CIMAP2: variants seen among roughly 807,000 people sequenced by gnomAD.
CIMAP2 encodes the protein ciliary microtubule-associated protein 2.
At chr1:54,831,385 G>A in the CIMAP2 span, among the ~76,000 whole-genome samples, 1 of 150,924 alleles carries the variant, frequency 6.6e-6, no homozygotes, top group African/African-American at 2.4e-5. Flanking sequence ...GGACACAATG[G>A]CTCATTCCTG....
chr1:54,820,318 C>G, the CIMAP2 span, among the ~76,000 whole-genome samples: 1 of 151,886 alleles, frequency 6.6e-6, no homozygotes, highest in Non-Finnish European at 1.5e-5. Flanking sequence ...CAGGTGTGCA[C>G]CAGCACACCT....
chr1:54,824,907 G>C, the CIMAP2 span, among the ~76,000 whole-genome samples: 1 of 150,626 alleles, frequency 6.6e-6, no homozygotes, highest in African/African-American at 2.4e-5. Flanking sequence ...TCTGTTACTG[G>C]AGAAATATTG....
At chr1:54,829,748 T>A in the CIMAP2 span, among the ~76,000 whole-genome samples, 1 of 152,220 alleles carries the variant, frequency 6.6e-6, no homozygotes, top group Non-Finnish European at 1.5e-5. Context: ...AACAATATGC[T>A]CTGGTTTCAT....
the CIMAP2 span, among the ~76,000 whole-genome samples, chr1:54,815,858 A>C: frequency 6.5e-4 from 88 of 135,442 alleles, no homozygotes; most frequent in Admixed American, 1.7e-3. Context: ...CCCCACCCCA[A>C]TTTGATAGCC....
the CIMAP2 span, among the ~76,000 whole-genome samples, chr1:54,821,115 GA>G: frequency 6.6e-6 from 1 of 152,210 alleles, no homozygotes; most frequent in Non-Finnish European, 1.5e-5. Flanking sequence ...TGAGTTCCTT[GA>G]ATATTCTGGA....
chr1:54,811,772 T>TCCCCCCACCCCCCCC, the CIMAP2 span: 1 of 454,868 alleles, frequency 2.2e-6, no homozygotes, highest in South Asian at 1.6e-5. Flanking sequence ...ACAGCCTCCA[T>TCCCCCCACCCCCCCC]GCCCCCACCC....
chr1:54,817,979 A>G, the CIMAP2 span, among the ~76,000 whole-genome samples: 4 of 152,140 alleles, frequency 2.6e-5, no homozygotes, highest in Non-Finnish European at 5.9e-5. Flanking sequence ...CATCTGATCA[A>G]TAGTTTGGTT....
the CIMAP2 span, among the ~76,000 whole-genome samples, chr1:54,828,798 G>A: frequency 6.6e-6 from 1 of 152,048 alleles, no homozygotes; most frequent in African/African-American, 2.4e-5. Flanking sequence ...TTTATTAATG[G>A]ATGTTAAAGA....
chr1:54,811,667 A>C, the CIMAP2 span: 19 of 992,372 alleles, frequency 1.9e-5, no homozygotes, highest in Non-Finnish European at 2.8e-5. Context: ...GAGGGCAGGT[A>C]GCAAGCGGAC....
At chr1:54,808,146 C>G in the CIMAP2 span, 2 of 909,232 alleles carry the variant, frequency 2.2e-6, no homozygotes, top group East Asian at 2.9e-5. Context: ...GTGGCATACA[C>G]TGTCCTAGAC....
the CIMAP2 span, among the ~76,000 whole-genome samples, chr1:54,812,903 G>A: frequency 1.3e-5 from 2 of 152,206 alleles, no homozygotes; most frequent in African/African-American, 4.8e-5. Flanking sequence ...CAGGCAATGA[G>A]TGCTACGGCA....
chr1:54,836,182 C>T, the CIMAP2 span, among the ~76,000 whole-genome samples: 1 of 151,948 alleles, frequency 6.6e-6, no homozygotes, highest in Non-Finnish European at 1.5e-5. Context: ...GGGCTTAACT[C>T]CAAGGGAAGG....
chr1:54,812,289 C>T, the CIMAP2 span: 1 of 1,498,490 alleles, frequency 6.7e-7, no homozygotes, highest in Non-Finnish European at 9.1e-7. Context: ...CCAGGCTCTG[C>T]ACCGGGCCTT....
chr1:54,822,984 G>C, the CIMAP2 span, among the ~76,000 whole-genome samples: 1 of 152,138 alleles, frequency 6.6e-6, no homozygotes, highest in East Asian at 1.9e-4. Flanking sequence ...CTTGTTTCAT[G>C]GCCTAACATA....
chr1:54,834,577 A>C, the CIMAP2 span, among the ~76,000 whole-genome samples: 103 of 152,314 alleles, frequency 6.8e-4, 1 homozygote, highest in African/African-American at 2.4e-3. Flanking sequence ...GAAATGCTTA[A>C]GATTAGAATT....
the CIMAP2 span, among the ~76,000 whole-genome samples, chr1:54,815,623 G>A: frequency 1.3e-5 from 2 of 152,140 alleles, no homozygotes; most frequent in South Asian, 2.1e-4. Flanking sequence ...TAGTGTTCTT[G>A]TAAACCAGCT....
chr1:54,828,927 T>C, the CIMAP2 span, among the ~76,000 whole-genome samples: 23 of 152,284 alleles, frequency 1.5e-4, no homozygotes, highest in Non-Finnish European at 2.5e-4. Context: ...GGCAACTGGA[T>C]AAATTGATTA....
chr1:54,821,219 G>GC, the CIMAP2 span, among the ~76,000 whole-genome samples: 59,574 of 151,964 alleles, frequency 0.39, 12,347 homozygotes, highest in East Asian at 0.53. Context: ...CTGTGCAAAA[G>GC]TTTTTAGTTT....
chr1:54,828,836 C>T, the CIMAP2 span, among the ~76,000 whole-genome samples: 7 of 151,976 alleles, frequency 4.6e-5, no homozygotes, highest in South Asian at 4.1e-4. Flanking sequence ...TGAAAAGACA[C>T]GATATTGGAA....
Sources: gnomAD v4.1 joint callset for allele counts (sites outside exome capture counted in the v4.1 genomes callset) on GRCh38, gnomAD v4.1.1 for gene constraint, MANE v1.5 for transcripts, NCBI Gene and HGNC (gene_info 2026-07-23, HGNC 2026-07-21) for gene names.